Variants in CLEC16A observed in about 807,000 individuals in gnomAD.
CLEC16A encodes the protein protein CLEC16A.
In CLEC16A, 51 loss-of-function variants were observed where a neutral mutation model predicts 109.5. The ratio of observed to expected loss-of-function variants is 0.47; its 90% CI spans 0.37 to 0.59. The LOEUF is 0.59. Ranked by LOEUF, CLEC16A falls within the 20% of genes least tolerant of loss-of-function variation. The pLI, the probability that CLEC16A is intolerant of heterozygous loss-of-function variation, is 0.00. For synonymous variants in CLEC16A, 673 were observed against 564.2 expected, an observed-to-expected ratio of 1.19 and a Z score of -2.73; for missense variants, 1,339 against 1,394.0, an observed-to-expected ratio of 0.96 and a Z score of 0.63.
At chr16:11,135,011 C>T (rs908478012) in intron 22 of CLEC16A, among the ~76,000 whole-genome samples, 1 of 152,244 alleles carries the variant, frequency 6.6e-6, no homozygotes, top group Non-Finnish European at 1.5e-5. Context: ...ACCACCACTT[C>T]CAAACCAGGC....
intron 20 of CLEC16A, among the ~76,000 whole-genome samples, chr16:11,122,345 T>C (rs1028954425): frequency 6.6e-6 from 1 of 152,244 alleles, no homozygotes; most frequent in Non-Finnish European, 1.5e-5. Flanking sequence ...ATCCATTAAG[T>C]GACTTATGCT....
intron 22 of CLEC16A, among the ~76,000 whole-genome samples, chr16:11,157,970 G>C (rs1444932612): frequency 6.6e-6 from 1 of 152,174 alleles, no homozygotes; most frequent in Non-Finnish European, 1.5e-5. Flanking sequence ...GTCACCTGCA[G>C]ATCTTTCTAG....
intron 10 of CLEC16A, among the ~76,000 whole-genome samples, chr16:11,001,185 G>A (rs183231737): frequency 2.6e-5 from 4 of 152,160 alleles, no homozygotes; most frequent in East Asian, 1.9e-4. Flanking sequence ...TCCTTGGCTC[G>A]AGCGATCCTT....
chr16:11,168,599 G>C (rs1398543555), intron 23 of CLEC16A, among the ~76,000 whole-genome samples: 1 of 152,248 alleles, frequency 6.6e-6, no homozygotes, highest in Admixed American at 6.5e-5. Flanking sequence ...TCAGGATGCA[G>C]CTATTGATCC....
chr16:11,134,778 G>C (rs928892430), intron 22 of CLEC16A, among the ~76,000 whole-genome samples: 14 of 152,154 alleles, frequency 9.2e-5, no homozygotes, highest in African/African-American at 3.1e-4. Context: ...GAGCTACTTC[G>C]CATGGCAGCT....
chr16:11,166,312 T>G (rs761032590), intron 22 of CLEC16A, 76 bp from the exon 23 acceptor site: 157 of 1,470,266 alleles, frequency 1.1e-4, no homozygotes, highest in Non-Finnish European at 1.4e-4. Context: ...GTTGGGTTGT[T>G]CAGTGGAACC....
chr16:11,129,697 A>G (rs1020948834), intron 22 of CLEC16A, among the ~76,000 whole-genome samples: 63 of 151,202 alleles, frequency 4.2e-4, no homozygotes, highest in Non-Finnish European at 6.6e-4. Flanking sequence ...CCGCCTCTTC[A>G]GTGGCCTTTT....
intron 22 of CLEC16A, among the ~76,000 whole-genome samples, chr16:11,129,065 C>G (rs2053021661): frequency 6.6e-6 from 1 of 152,178 alleles, no homozygotes; most frequent in South Asian, 2.1e-4. Context: ...TGAAGTTCCC[C>G]CAACCCCAAG....
chr16:11,098,059 C>A (rs2050706259), intron 19 of CLEC16A, among the ~76,000 whole-genome samples: 1 of 152,214 alleles, frequency 6.6e-6, no homozygotes, highest in African/African-American at 2.4e-5. Flanking sequence ...ACACCCCACA[C>A]CAATTAAATC....
At chr16:11,130,364 A>G (rs1021402027) in intron 22 of CLEC16A, among the ~76,000 whole-genome samples, 2 of 152,212 alleles carry the variant, frequency 1.3e-5, no homozygotes, top group South Asian at 4.1e-4. Context: ...GGTTTAGTCC[A>G]TGGAACTTTG....
chr16:11,154,422 C>T (rs888980663), intron 22 of CLEC16A, among the ~76,000 whole-genome samples: 3 of 152,286 alleles, frequency 2.0e-5, no homozygotes, highest in Middle Eastern at 6.8e-3. Context: ...TCATTTTTCT[C>T]GTAAACGATT....
intron 1 of CLEC16A, among the ~76,000 whole-genome samples, chr16:10,945,385 G>A (rs1221440732): frequency 6.6e-6 from 1 of 152,174 alleles, no homozygotes; most frequent in Non-Finnish European, 1.5e-5. Context: ...TCTAAGCTGG[G>A]GGCATGCACG....
chr16:11,072,411 A>G (rs1255537919), intron 19 of CLEC16A, among the ~76,000 whole-genome samples: 1 of 152,198 alleles, frequency 6.6e-6, no homozygotes, highest in Non-Finnish European at 1.5e-5. Flanking sequence ...GAGCTACCAC[A>G]GCTGGCCTAT....
chr16:11,139,676 A>C (rs1296962554), intron 22 of CLEC16A, among the ~76,000 whole-genome samples: 1 of 152,174 alleles, frequency 6.6e-6, no homozygotes, highest in African/African-American at 2.4e-5. Context: ...TCGCCGCCTC[A>C]GTTTCCATGT....
chr16:11,054,406 TG>T (rs1381734499), intron 18 of CLEC16A, among the ~76,000 whole-genome samples: 1 of 152,234 alleles, frequency 6.6e-6, no homozygotes, highest in Non-Finnish European at 1.5e-5. Context: ...ATAGTCTTTT[TG>T]CCCCTCACAT....
At position 11,156,737 on chromosome 16, in the gene CLEC16A, G is replaced by A. The variant is rs910297374; in HGVS notation, c.2642-9651G>A. The A allele has an allele frequency of 3.4e-6, 4 of 1,160,316 alleles. No homozygotes were observed. The African/African-American group carries it at 4.8e-5, about 14-fold the overall frequency. The allele number at this position is 1,160,316 out of a possible 1,614,324, so 71.9% of individuals were successfully genotyped here. A position where few individuals can be genotyped will look rare whatever the true frequency, so the allele number is the denominator to read the frequency against. On this transcript the variant is annotated intron_variant, in intron 22 of 23. Transcript: ENST00000409790. ...GGCGAGGCAGGGACTGGGTCCTTGG[G>A]AATCAAGCCCAGCCCTGGCGACCTT...
intron 1 of CLEC16A, 144 bp downstream of exon 1, chr16:10,944,941 G>T: frequency 1.4e-6 from 1 of 738,380 alleles, no homozygotes; most frequent in Non-Finnish European, 2.2e-6. Context: ...GCGAGGGCTC[G>T]GGAGTCAGGG....
chr16:11,149,200 CGGGACTTGACCCCATGG>C (rs1359271264), intron 22 of CLEC16A, among the ~76,000 whole-genome samples: 8 of 151,986 alleles, frequency 5.3e-5, no homozygotes, highest in Non-Finnish European at 1.5e-5. Context: ...AGGCAGGCAG[CGGGACTTGACCCCATGG>C]GGTCACTGAG....
chr16:10,976,828 C>T (rs911496332), intron 7 of CLEC16A, among the ~76,000 whole-genome samples: 8 of 152,334 alleles, frequency 5.3e-5, no homozygotes, highest in South Asian at 2.1e-4. Context: ...GGGGTGGCCA[C>T]GGCTCTGGAG....
Sources: allele counts gnomAD v4.1 joint callset (sites outside exome capture counted in the v4.1 genomes callset), GRCh38; gene constraint gnomAD v4.1.1; transcripts MANE v1.5; gene names NCBI Gene and HGNC (gene_info 2026-07-23, HGNC 2026-07-21).